Variants in DMXL2 observed in about 807,000 individuals in gnomAD.
The protein encoded by DMXL2 is dmX-like protein 2.
A neutral mutation model predicts 331.1 loss-of-function variants in DMXL2; 103 were observed. The ratio of observed to expected loss-of-function variants is 0.31; its 90% CI spans 0.27 to 0.37. The LOEUF is 0.37. Ranked by LOEUF, DMXL2 falls within the 10% of genes least tolerant of loss-of-function variation. DMXL2 has a pLI of 1.00. For missense variants in DMXL2, 3,171 were observed against 3,642.9 expected, an observed-to-expected ratio of 0.87 and a Z score of 3.33; for synonymous variants, 1,281 against 1,252.1, an observed-to-expected ratio of 1.02 and a Z score of -0.49.
At chr15:51,520,404 ATACTT>A (rs1471890865) in intron 13 of DMXL2, among the ~76,000 whole-genome samples, 1 of 152,232 alleles carries the variant, frequency 6.6e-6, no homozygotes, top group Non-Finnish European at 1.5e-5. Flanking sequence ...AATAATATGT[ATACTT>A]TAAACATTTT....
chr15:51,621,374 T>A (rs912066665), intron 1 of DMXL2, among the ~76,000 whole-genome samples: 1 of 152,238 alleles, frequency 6.6e-6, no homozygotes, highest in Non-Finnish European at 1.5e-5. Flanking sequence ...AAAACACTGT[T>A]GGAAAGCAGA....
intron 1 of DMXL2, among the ~76,000 whole-genome samples, chr15:51,606,822 T>C (rs1444385751): frequency 6.6e-6 from 1 of 152,002 alleles, no homozygotes; most frequent in Non-Finnish European, 1.5e-5. Flanking sequence ...TGCAAATTGA[T>C]TAGAAAAAAA....
chr15:51,579,975 G>A (rs1171661006), intron 1 of DMXL2, among the ~76,000 whole-genome samples: 2 of 152,190 alleles, frequency 1.3e-5, no homozygotes, highest in East Asian at 1.9e-4. Flanking sequence ...CACTGAATGA[G>A]GATTCATTTG....
intron 2 of DMXL2, among the ~76,000 whole-genome samples, chr15:51,574,621 A>G (rs2050894511): frequency 6.6e-6 from 1 of 152,240 alleles, no homozygotes; most frequent in African/African-American, 2.4e-5. Flanking sequence ...ATGAATGATT[A>G]TAACAGACTA....
intron 40 of DMXL2, among the ~76,000 whole-genome samples, chr15:51,454,817 A>AG: frequency 5.9e-5 from 9 of 152,120 alleles, no homozygotes; most frequent in African/African-American, 2.2e-4. Flanking sequence ...TAATGACAGA[A>AG]TTTTATCATG....
chr15:51,491,815 G>A, intron 19 of DMXL2, 68 bp from the exon 20 acceptor site: 2 of 1,362,994 alleles, frequency 1.5e-6, no homozygotes, highest in Non-Finnish European at 2.0e-6. Flanking sequence ...AATTTTTCAT[G>A]CAGTCACATA....
At position 51,536,628 on chromosome 15, in the gene DMXL2, C is replaced by A; in HGVS notation, c.1852G>T (p.Asp618Tyr). The A allele has an allele frequency of 6.2e-7, 1 of 1,614,074 alleles. No individual in the cohort carries two copies. The highest frequency in any genetic ancestry group is 8.5e-7 in the Non-Finnish European group (1 of 1,179,984). ...PTVMMISKHI[D>Y]GSLNQWAVTF... ...ACTGCCCACTGATTTAAAGAACCAT[C>A]TATGTGTTTAGAGATCATCATTACT... The change falls in exon 12 of 44, where the codon GAT becomes TAT. Residue 618 changes from aspartate (D) to tyrosine (Y), a missense_variant. Around this residue, in one of 7 missense-constraint regions of DMXL2, gnomAD observed 1,674 missense variants for 1,780.2 expected, o/e 0.94. Coordinates refer to ENST00000560891, the MANE Select transcript of DMXL2 (RefSeq NM_001378457.1).
In DMXL2 at chr15:51,536,742, G is replaced by T. The variant is rs777069903; in HGVS notation, c.1738C>A (p.His580Asn). The T allele has an allele frequency of 6.2e-7, 1 of 1,614,070 alleles. No homozygotes were observed. The highest frequency in any genetic ancestry group is 1.1e-5 in the South Asian group (1 of 91,082). Residue 580 changes from histidine (H) to asparagine (N), a missense_variant, in exon 12 of 44, where the codon CAC becomes AAC. Coordinates refer to ENST00000560891, the MANE Select transcript of DMXL2 (RefSeq NM_001378457.1). ...ATKDSHHTLL[H>N]QEGMSVGSPH... ...CTGCCTACAGACATCCCCTCCTGGT[G>T]TAACAGCGTGTGGTGAGAATCTTTT...
At chr15:51,603,696 C>G (rs2053382538) in intron 1 of DMXL2, 1 of 151,928 alleles carries the variant, frequency 6.6e-6, no homozygotes, top group Non-Finnish European at 1.5e-5. Flanking sequence ...GAAACCCCAT[C>G]TCTACTAAAA....
intron 6 of DMXL2, 44 bp from the exon 7 acceptor site, chr15:51,547,452 CA>C (rs773668088): frequency 1.4e-6 from 2 of 1,383,724 alleles, no homozygotes; most frequent in Non-Finnish European, 1.9e-6. Flanking sequence ...TGTACATACA[CA>C]ATTCAAAATT....
rs1420459769 is a variant in DMXL2 at position 51,502,994 on chromosome 15, G to A, written c.2804C>T (p.Ser935Leu). The A allele has an allele frequency of 6.2e-7, 1 of 1,613,904 alleles. No individual in the cohort carries two copies. The highest frequency in any genetic ancestry group is 8.5e-7 in the Non-Finnish European group (1 of 1,179,800). ...ATCTACGTTCTTCTGTCCAGGGACT[G>A]AAAGTAGACTCTCAGAGGAAGCCCC... ...SEGASSESLL[S>L]VPGQKNVDSS... The change falls in exon 17 of 44, where the codon TCA (serine) becomes TTA (leucine). Residue 935 changes from serine to leucine, a missense_variant. Around this residue, in one of 7 missense-constraint regions of DMXL2, gnomAD observed 1,674 missense variants for 1,780.2 expected, o/e 0.94. Coordinates refer to ENST00000560891, the MANE Select transcript of DMXL2 (RefSeq NM_001378457.1).
chr15:51,538,250 C>G lies in DMXL2; in HGVS notation c.1308G>C (p.Glu436Asp). The G allele has an allele frequency of 1.2e-6, 2 of 1,613,650 alleles. No homozygotes were observed. Among genetic ancestry groups the G allele is most frequent in the Non-Finnish European group, 1.7e-6 (2 of 1,179,724 alleles). The change falls in exon 10 of 44, where the codon GAG (glutamate) becomes GAC (aspartate). Residue 436 changes from glutamate (E) to aspartate (D), a missense_variant. Glu to Asp is a conservative substitution (Grantham distance 45, BLOSUM62 2). Transcript: ENST00000560891. ...ADREDEEHSQ[E>D]DRERGLHMKL... ...TCATATGTAAACCCCGTTCTCTATC[C>G]TCCTGTGAATGTTCCTCATCTTCTC...
intron 19 of DMXL2, among the ~76,000 whole-genome samples, chr15:51,494,031 A>T (rs1009374965): frequency 6.6e-6 from 1 of 152,222 alleles, no homozygotes; most frequent in Non-Finnish European, 1.5e-5. Context: ...TCAAGACTGA[A>T]GAATTTTCAT....
At chr15:51,578,385 T>C (rs1054190685) in intron 1 of DMXL2, among the ~76,000 whole-genome samples, 1 of 152,224 alleles carries the variant, frequency 6.6e-6, no homozygotes, top group Non-Finnish European at 1.5e-5. Context: ...AAATTCACTC[T>C]TACGGCTCAG....
At chr15:51,459,531 T>A in intron 34 of DMXL2, 67 bp downstream of exon 34, 2 of 1,246,546 alleles carry the variant, frequency 1.6e-6, no homozygotes, top group East Asian at 1.1e-4. Flanking sequence ...ATGGTTAGTA[T>A]CAGAGATGAG....
intron 19 of DMXL2, 23 bp downstream of exon 19, chr15:51,495,001 G>T (rs755657454): frequency 6.4e-7 from 1 of 1,562,974 alleles, no homozygotes; most frequent in South Asian, 1.1e-5. Flanking sequence ...GTTGTGCAAA[G>T]CTTCAAACAG....
chr15:51,563,873 C>T (rs1001559824), intron 5 of DMXL2, among the ~76,000 whole-genome samples: 3 of 152,036 alleles, frequency 2.0e-5, no homozygotes, highest in Non-Finnish European at 4.4e-5. Flanking sequence ...TGAGTATTTC[C>T]TATGTATCAA....
At chr15:51,523,130 C>T (rs2140751217) in intron 13 of DMXL2, among the ~76,000 whole-genome samples, 1 of 152,298 alleles carries the variant, frequency 6.6e-6, no homozygotes, top group South Asian at 2.1e-4. Flanking sequence ...AATAGGAGAG[C>T]ATGTGACAAA....
At chr15:51,451,364 C>G (rs1294153081) in intron 42 of DMXL2, among the ~76,000 whole-genome samples, 1 of 152,222 alleles carries the variant, frequency 6.6e-6, no homozygotes, top group African/African-American at 2.4e-5. Flanking sequence ...CAACTAATTT[C>G]TTAAATAGCC....
Sources: allele counts gnomAD v4.1 joint callset (sites outside exome capture counted in the v4.1 genomes callset), GRCh38; gene constraint gnomAD v4.1.1; regional missense constraint gnomAD v4.1.1; transcripts MANE v1.5; gene names NCBI Gene and HGNC (gene_info 2026-07-23, HGNC 2026-07-21).